The following LRBA variants were observed in gnomAD, a reference collection of about 807,000 sequenced individuals.
The protein encoded by LRBA is LPS responsive beige-like anchor protein.
A neutral mutation model predicts 330.0 loss-of-function variants in LRBA; 176 were observed. The ratio of observed to expected loss-of-function variants is 0.53; its 90% CI spans 0.47 to 0.60. The LOEUF is 0.60. Ranked by LOEUF, LRBA falls within the 20% of genes least tolerant of loss-of-function variation. The probability of loss-of-function intolerance (pLI) is 0.00; values close to 1 mark genes in which losing one functional copy is unlikely to be tolerated. For missense variants in LRBA, 3,259 were observed against 3,444.8 expected, an observed-to-expected ratio of 0.95 and a Z score of 1.35; for synonymous variants, 1,230 against 1,193.0, an observed-to-expected ratio of 1.03 and a Z score of -0.64.
chr4:150,666,469 G>GCCACTGTGTACT (rs1373067165), intron 37 of LRBA, among the ~76,000 whole-genome samples: 1 of 151,926 alleles, frequency 6.6e-6, no homozygotes, highest in African/African-American at 2.4e-5. Context: ...TTGAGATTGT[G>GCCACTGTGTACT]CCACTGTGTA....
intron 52 of LRBA, among the ~76,000 whole-genome samples, chr4:150,307,647 C>T (rs916049109): frequency 3.3e-5 from 5 of 151,568 alleles, no homozygotes; most frequent in South Asian, 2.1e-4. Context: ...GGCAGGCCGA[C>T]GCAGGAGGAG....
chr4:150,632,483 TA>T (rs978219969), intron 37 of LRBA, among the ~76,000 whole-genome samples: 1 of 152,100 alleles, frequency 6.6e-6, no homozygotes, highest in Non-Finnish European at 1.5e-5. Flanking sequence ...ATTTAATAAT[TA>T]ATAAGAGACA....
chr4:150,616,887 G>C (rs1775819297), intron 37 of LRBA, among the ~76,000 whole-genome samples: 1 of 152,136 alleles, frequency 6.6e-6, no homozygotes, highest in African/African-American at 2.4e-5. Flanking sequence ...AGTAGACCCT[G>C]ACACATCGTA....
intron 36 of LRBA, among the ~76,000 whole-genome samples, chr4:150,724,452 G>T (rs1267090084): frequency 6.6e-6 from 1 of 152,072 alleles, no homozygotes; most frequent in African/African-American, 2.4e-5. Context: ...CCTTCCCAAG[G>T]ACAACAGTCA....
rs767192088 is a variant in LRBA at position 150,315,598 on chromosome 4, C to A, written c.7656G>T (p.Gln2552His). 3.7e-6 allele frequency: 6 copies of A among 1,611,668 alleles called. No individual in the cohort carries two copies. Among genetic ancestry groups the A allele is most frequent in the Non-Finnish European group, 5.1e-6 (6 of 1,178,872 alleles). ...LPAHQGAVQDQPYQLPVEIDP... is the reference protein window; with the variant it reads ...LPAHQGAVQDHPYQLPVEIDP... ...CGATTTCCACTGGCAGCTGGTATGGCTGGTCTTGTACAGCACCTTGATGAG... is the reference window on the plus strand; with the variant it reads ...CGATTTCCACTGGCAGCTGGTATGGATGGTCTTGTACAGCACCTTGATGAG... The change falls in exon 51 of 57, where the codon CAG becomes CAT. Residue 2552 changes from glutamine to histidine, a missense_variant. Transcript: ENST00000651943.
intron 28 of LRBA, among the ~76,000 whole-genome samples, chr4:150,841,268 A>G (rs1381185629): frequency 1.3e-5 from 2 of 152,208 alleles, no homozygotes; most frequent in African/African-American, 4.8e-5. Context: ...TTAGCCCATT[A>G]ATATGTTCAA....
At chr4:150,436,956 A>C in intron 44 of LRBA, 92 bp from the exon 45 acceptor site, 1 of 1,166,748 alleles carries the variant, frequency 8.6e-7, no homozygotes, top group South Asian at 1.4e-5. Flanking sequence ...TGGTAAGTAT[A>C]AAAGTGAATT....
At chr4:150,697,325 G>GAAAGAAAAAAAAAAAAAAAAAAA (rs373474421) in intron 36 of LRBA, among the ~76,000 whole-genome samples, 2 of 28,034 alleles carry the variant, frequency 7.1e-5, no homozygotes, top group African/African-American at 2.6e-4. Flanking sequence ...CTTTGTCTCA[G>GAAAGAAAAAAAAAAAAAAAAAAA]AAAAAAAAAA....
At chr4:150,875,411 C>T (rs558008902) in intron 17 of LRBA, among the ~76,000 whole-genome samples, 2 of 152,142 alleles carry the variant, frequency 1.3e-5, no homozygotes, top group African/African-American at 2.4e-5. Context: ...TGCCCTTCTC[C>T]AGAGCATAGA....
intron 36 of LRBA, among the ~76,000 whole-genome samples, chr4:150,734,540 G>C (rs1266326469): frequency 6.6e-6 from 1 of 152,154 alleles, no homozygotes; most frequent in Non-Finnish European, 1.5e-5. Flanking sequence ...TGATATGTTA[G>C]AAGCCATACA....
intron 42 of LRBA, among the ~76,000 whole-genome samples, chr4:150,476,820 A>G (rs538968180): frequency 1.3e-5 from 2 of 152,278 alleles, no homozygotes; most frequent in African/African-American, 4.8e-5. Context: ...ATCTGTGTGT[A>G]TATGCTTGTA....
intron 40 of LRBA, among the ~76,000 whole-genome samples, chr4:150,586,094 A>C (rs889164953): frequency 1.3e-5 from 2 of 152,318 alleles, no homozygotes; most frequent in Admixed American, 6.5e-5. Flanking sequence ...CAAACAAACA[A>C]ATTCTTTTAA....
rs117817326 is a variant in LRBA at position 150,568,247 on chromosome 4, C to A, written c.6330+19801G>T. ...CAATGATAGATGTAAGAAAGCTAGC[C>A]TGGAAAGACAAAGACTTCAGATTGG... On this transcript the variant is annotated intron_variant, in intron 40 of 56. Transcript: ENST00000651943. Among the ~76,000 whole-genome samples the A allele has an allele frequency of 3.0e-4, 46 of 152,090 alleles. No homozygotes were observed. The East Asian group carries it at 8.5e-3, about 28-fold the overall frequency.
chr4:150,818,567 T>TGTGTGTGC (rs1376093670), intron 30 of LRBA, among the ~76,000 whole-genome samples: 6 of 149,286 alleles, frequency 4.0e-5, no homozygotes, highest in South Asian at 2.1e-4. Context: ...TGTGTGTGCG[T>TGTGTGTGC]GCACGAATGT....
At chr4:150,874,141 T>G (rs1157716899) in intron 17 of LRBA, among the ~76,000 whole-genome samples, 1 of 152,206 alleles carries the variant, frequency 6.6e-6, no homozygotes, top group Non-Finnish European at 1.5e-5. Context: ...ATTTGAGGGC[T>G]TTAGCATTTC....
At chr4:150,822,605 A>G (rs1745604951) in intron 30 of LRBA, among the ~76,000 whole-genome samples, 1 of 152,062 alleles carries the variant, frequency 6.6e-6, no homozygotes, top group Non-Finnish European at 1.5e-5. Flanking sequence ...CATCTCTACA[A>G]AAAATTTTTT....
At chr4:150,580,061 G>A (rs998264101) in intron 40 of LRBA, 1 of 234,044 alleles carries the variant, frequency 4.3e-6, no homozygotes, top group Non-Finnish European at 8.6e-6. Flanking sequence ...GGTTAGAGCC[G>A]GGCTCCCACA....
At chr4:150,268,733 G>T (rs181400491) in intron 56 of LRBA, among the ~76,000 whole-genome samples, 98 of 152,202 alleles carry the variant, frequency 6.4e-4, no homozygotes, top group African/African-American at 2.3e-3. Flanking sequence ...AAAACAATAG[G>T]AGTAGAAGGA....
chr4:150,995,203 C>T lies in LRBA; in HGVS notation c.216+19224G>A, dbSNP rs115396850. On this transcript the variant is annotated intron_variant, in intron 2 of 56. Transcript: ENST00000651943. Reference sequence around the variant, plus strand: ...AAAACTCAGACTAAAAATTCAGTTTCGAGAGATTCTGGGTTGGAAGAGACT... The same window carrying T: ...AAAACTCAGACTAAAAATTCAGTTTTGAGAGATTCTGGGTTGGAAGAGACT... Among the ~76,000 whole-genome samples the T allele has an allele frequency of 6.6e-3, 996 of 151,902 alleles. 8 individuals carry two copies. The highest frequency in any genetic ancestry group is 0.023 in the African/African-American group (971 of 41,418).
Sources: allele counts gnomAD v4.1 joint callset (sites outside exome capture counted in the v4.1 genomes callset), GRCh38; gene constraint gnomAD v4.1.1; transcripts MANE v1.5; gene names NCBI Gene and HGNC (gene_info 2026-07-23, HGNC 2026-07-21).